The following CFTR variants were observed in gnomAD, a reference collection of about 807,000 sequenced individuals.
CFTR encodes the protein cystic fibrosis transmembrane conductance regulator.
Under a neutral mutation model 171.6 loss-of-function variants are expected in CFTR, and 181 were observed. That is an observed-to-expected ratio of 1.05 (90% CI 0.93 to 1.19). The LOEUF (loss-of-function observed/expected upper bound fraction) is 1.19. CFTR is among the 50% of genes most tolerant of loss of function. The pLI is 0.00. For synonymous variants in CFTR, 583 were observed against 608.0 expected (o/e 0.96, Z 0.60); for missense variants, 1,968 against 1,734.7 (o/e 1.13, Z -2.39).
chr7:117,522,767 G>A (rs1798703555), intron 3 of CFTR, among the ~76,000 whole-genome samples: 1 of 151,980 alleles, frequency 6.6e-6, no homozygotes, highest in Non-Finnish European at 1.5e-5. Flanking sequence ...GTCATTCTGG[G>A]GATAATTTTT....
chr7:117,640,550 G>A (rs759734431), intron 22 of CFTR, among the ~76,000 whole-genome samples: 3 of 152,054 alleles, frequency 2.0e-5, no homozygotes, highest in Non-Finnish European at 4.4e-5. Flanking sequence ...CAAAATTCTT[G>A]ATATGACCTT....
intron 11 of CFTR, among the ~76,000 whole-genome samples, chr7:117,573,264 T>C (rs1036318573): frequency 3.9e-5 from 6 of 152,178 alleles, no homozygotes; most frequent in African/African-American, 1.4e-4. Context: ...GGATATGTTG[T>C]TATGCACTCC....
At chr7:117,598,607 A>G (rs187063908) in intron 15 of CFTR, among the ~76,000 whole-genome samples, 1 of 152,370 alleles carries the variant, frequency 6.6e-6, no homozygotes, top group Admixed American at 6.5e-5. Context: ...TACTGTACCA[A>G]TAAACCATTT....
intron 10 of CFTR, among the ~76,000 whole-genome samples, chr7:117,551,726 A>G (rs1231014864): frequency 6.6e-5 from 10 of 152,200 alleles, no homozygotes; most frequent in Non-Finnish European, 1.0e-4. Flanking sequence ...TAGTGAAGCA[A>G]TATTAGTATA....
At chr7:117,498,315 C>T (rs1798270333) in intron 1 of CFTR, among the ~76,000 whole-genome samples, 1 of 152,090 alleles carries the variant, frequency 6.6e-6, no homozygotes, top group Admixed American at 6.6e-5. Flanking sequence ...TTGTCTTTAG[C>T]GAGCATATAC....
chr7:117,608,857 G>A (rs1170421760), intron 18 of CFTR, among the ~76,000 whole-genome samples: 1 of 151,928 alleles, frequency 6.6e-6, no homozygotes, highest in Non-Finnish European at 1.5e-5. Context: ...TTAAAAAAAA[G>A]TCTCTGTTCA....
At chr7:117,538,468 C>T (rs979011071) in intron 7 of CFTR, among the ~76,000 whole-genome samples, 3 of 151,582 alleles carry the variant, frequency 2.0e-5, no homozygotes, top group African/African-American at 7.3e-5. Context: ...TCTTATAGTA[C>T]CTATTCTTCC....
chr7:117,630,064 G>GT (rs1308790931), intron 22 of CFTR, among the ~76,000 whole-genome samples: 1 of 152,190 alleles, frequency 6.6e-6, no homozygotes, highest in Non-Finnish European at 1.5e-5. Context: ...AAGGGAAAAC[G>GT]TAAGATCCAC....
At chr7:117,579,574 G>C (rs1791821648) in intron 11 of CFTR, among the ~76,000 whole-genome samples, 1 of 150,806 alleles carries the variant, frequency 6.6e-6, no homozygotes. Context: ...TATGTTATTA[G>C]TATTGTTAAT....
At chr7:117,569,711 A>G (rs1047037040) in intron 11 of CFTR, among the ~76,000 whole-genome samples, 13 of 152,196 alleles carry the variant, frequency 8.5e-5, no homozygotes, top group African/African-American at 3.1e-4. Context: ...GATAAGACTC[A>G]AACAGGTAGT....
At chr7:117,606,981 T>A (rs1478684325) in intron 18 of CFTR, among the ~76,000 whole-genome samples, 1 of 152,252 alleles carries the variant, frequency 6.6e-6, no homozygotes, top group African/African-American at 2.4e-5. Flanking sequence ...CACATTTAGA[T>A]GTAATAGCTG....
At chr7:117,649,576 A>G (rs1205492140) in intron 23 of CFTR, among the ~76,000 whole-genome samples, 1 of 150,598 alleles carries the variant, frequency 6.6e-6, no homozygotes, top group East Asian at 1.9e-4. Flanking sequence ...TTCTTTCAGA[A>G]GGAAGAAAAA....
At chr7:117,591,803 T>G (rs1792028523) in intron 13 of CFTR, 131 bp from the exon 14 acceptor site, 1 of 583,372 alleles carries the variant, frequency 1.7e-6, no homozygotes, top group Non-Finnish European at 2.9e-6. Context: ...ACTTATAGAA[T>G]CATTTAAAAT....
At chr7:117,508,044 G>A (rs1000920371) in intron 2 of CFTR, among the ~76,000 whole-genome samples, 1 of 152,196 alleles carries the variant, frequency 6.6e-6, no homozygotes, top group African/African-American at 2.4e-5. Context: ...CCAAAGTGTT[G>A]GGATTAGTGG....
At chr7:117,615,519 C>T (rs529400341) in intron 21 of CFTR, among the ~76,000 whole-genome samples, 1 of 151,708 alleles carries the variant, frequency 6.6e-6, no homozygotes, top group African/African-American at 2.4e-5. Context: ...TTAGTGATAG[C>T]ACCTTTCTTA....
chr7:117,501,747 C>CAAAAAAAAAAAAAAAAAAAAAAAGAA (rs1798330251), intron 1 of CFTR, among the ~76,000 whole-genome samples: 2 of 43,902 alleles, frequency 4.6e-5, no homozygotes, highest in African/African-American at 6.7e-5. Flanking sequence ...AACTCTGTCT[C>CAAAAAAAAAAAAAAAAAAAAAAAGAA]AAAAAAAAAA....
At chr7:117,600,883 A>G in intron 15 of CFTR, among the ~76,000 whole-genome samples, 1 of 152,070 alleles carries the variant, frequency 6.6e-6, no homozygotes, top group Admixed American at 6.6e-5. Context: ...TTCTATATAC[A>G]CCAAATATTT....
At chr7:117,588,288 C>T (rs963348373) in intron 12 of CFTR, among the ~76,000 whole-genome samples, 1 of 152,004 alleles carries the variant, frequency 6.6e-6, no homozygotes, top group Non-Finnish European at 1.5e-5. Context: ...TGTCACTTGG[C>T]TTAAAATCTA....
intron 3 of CFTR, among the ~76,000 whole-genome samples, chr7:117,510,393 C>A (rs1798495615): frequency 6.6e-6 from 1 of 152,088 alleles, no homozygotes; most frequent in East Asian, 1.9e-4. Context: ...GTATGGAGTA[C>A]AGTTCACTCT....
Sources: gnomAD v4.1 joint callset for allele counts (sites outside exome capture counted in the v4.1 genomes callset) on GRCh38, gnomAD v4.1.1 for gene constraint, MANE v1.5 for transcripts, NCBI Gene and HGNC (gene_info 2026-07-23, HGNC 2026-07-21) for gene names.